Variants in PCDHGA7 observed in about 807,000 individuals in gnomAD.
The protein encoded by PCDHGA7 is protocadherin gamma subfamily A, 7, also known as protocadherin gamma-A7.
In PCDHGA7, 44 loss-of-function variants were observed where a neutral mutation model predicts 58.3. That is an observed-to-expected ratio of 0.75 (90% CI 0.59 to 0.97). The LOEUF (loss-of-function observed/expected upper bound fraction) is 0.97, where lower values mean the gene tolerates loss of function less well. Among genes scored for constraint, PCDHGA7 ranks in the 50% least tolerant of loss-of-function variants. PCDHGA7 has a pLI of 0.00. For missense variants in PCDHGA7, 1,266 were observed against 1,188.7 expected (o/e 1.06, Z -0.96); for synonymous variants, 516 against 504.2 (o/e 1.02, Z -0.31).
intron 1 of PCDHGA7, chr5:141,409,914 G>C: frequency 6.2e-7 from 1 of 1,613,348 alleles, no homozygotes; most frequent in East Asian, 2.2e-5. Context: ...GGTCCTGACG[G>C]CTCCGCGTTC....
chr5:141,415,278 G>A (rs768587119), intron 1 of PCDHGA7: 4 of 1,614,212 alleles, frequency 2.5e-6, no homozygotes, highest in Non-Finnish European at 3.4e-6. Flanking sequence ...TGGTAGCGGT[G>A]GCCGCGGTCT....
chr5:141,463,532 T>C (rs1237301892), intron 1 of PCDHGA7, among the ~76,000 whole-genome samples: 2 of 133,692 alleles, frequency 1.5e-5, no homozygotes, highest in Non-Finnish European at 3.1e-5. Flanking sequence ...TACTAGAAAC[T>C]CCGGCTCCCG....
chr5:141,440,918 A>C (rs2154559108), intron 1 of PCDHGA7: 1 of 152,384 alleles, frequency 6.6e-6, no homozygotes, highest in Admixed American at 6.5e-5. Context: ...TCCTGTGCTG[A>C]GAGTGAGGGC....
At chr5:141,395,207 T>C (rs1589256269) in intron 1 of PCDHGA7, 6 of 1,613,702 alleles carry the variant, frequency 3.7e-6, no homozygotes, top group Non-Finnish European at 5.1e-6. Context: ...TAGATTTTCA[T>C]GAATATAAGA....
chr5:141,393,307 ACTC>A, intron 1 of PCDHGA7: 1 of 1,613,594 alleles, frequency 6.2e-7, no homozygotes, highest in East Asian at 2.2e-5. Flanking sequence ...GTGGGCGTGA[ACTC>A]CCTCCAGAGC....
chr5:141,418,785 T>C, intron 1 of PCDHGA7: 1 of 1,613,862 alleles, frequency 6.2e-7, no homozygotes, highest in African/African-American at 1.3e-5. Flanking sequence ...CCTTTGGATT[T>C]TGAAGAAGTA....
rs2097549501 is a variant in PCDHGA7 at position 141,432,920 on chromosome 5, A to T, written c.2424+47597A>T. ...GGCGCTCAGGCTGCGGCGCTGGCAC[A>T]AGTCACGCCTGCTGCAGGCTTCAGG... On this transcript the variant is annotated intron_variant, in intron 1 of 3. Transcript: ENST00000518325. The surrounding 1 kb of genome is among the most constrained non-coding windows in gnomAD (Gnocchi z 6.0). 1 of 1,614,022 alleles carries T rather than the reference A, an allele frequency of 6.2e-7. No homozygotes were observed.
At chr5:141,419,315 C>T in intron 1 of PCDHGA7, 1 of 1,613,998 alleles carries the variant, frequency 6.2e-7, no homozygotes. Flanking sequence ...GCTCAACGGC[C>T]GTGTCTCCTA....
At chr5:141,441,710 G>A (rs2098266791) in intron 1 of PCDHGA7, 1 of 322,162 alleles carries the variant, frequency 3.1e-6, no homozygotes, top group Non-Finnish European at 6.1e-6. Context: ...TCAAGCTCAC[G>A]CTGCAGGCCC....
Position 141,393,932 on chromosome 5 carries a change from C to A in PCDHGA7, c.2424+8609C>A, listed in dbSNP as rs758815375. 2.7e-5 allele frequency: 44 copies of A among 1,613,798 alleles called. No individual in the cohort carries two copies. Among genetic ancestry groups the A allele is most frequent in the Non-Finnish European group, 3.6e-5 (43 of 1,179,882 alleles). On this transcript the variant is annotated intron_variant, in intron 1 of 3. Coordinates refer to ENST00000518325, the MANE Select transcript of PCDHGA7 (RefSeq NM_018920.4). Reference sequence around the variant, plus strand: ...TAATTGCCTTCTTGAGTGTGCATGACCAAGACTCTGGAAAGAATGGTCAAG... The same window carrying A: ...TAATTGCCTTCTTGAGTGTGCATGAACAAGACTCTGGAAAGAATGGTCAAG...
Position 141,476,140 on chromosome 5 carries a change from C to G in PCDHGA7, c.2425-18667C>G. On this transcript the variant is annotated intron_variant, in intron 1 of 3. Coordinates refer to ENST00000518325, the MANE Select transcript of PCDHGA7 (RefSeq NM_018920.4). This position sits in a 1 kb window ranked among gnomAD's most constrained non-coding sequence, Gnocchi z 7.6. ...AGATGGTCCCAGAGGCCTGGAGGAGCGGACTGGTAAGCACCGGGAGGGTAG... is the reference window on the plus strand; with the variant it reads ...AGATGGTCCCAGAGGCCTGGAGGAGGGGACTGGTAAGCACCGGGAGGGTAG... The G allele has an allele frequency of 2.5e-6, 4 of 1,609,222 alleles. No individual in the cohort carries two copies. Among genetic ancestry groups the G allele is most frequent in the Non-Finnish European group, 1.7e-6 (2 of 1,178,484 alleles).
At chr5:141,435,446 G>C (rs889481920) in intron 1 of PCDHGA7, among the ~76,000 whole-genome samples, 5 of 152,060 alleles carry the variant, frequency 3.3e-5, no homozygotes, top group African/African-American at 2.4e-5. Context: ...TCATTAATAC[G>C]ATATCTGTAT....
chr5:141,495,005 C>A, intron 2 of PCDHGA7, 140 bp downstream of exon 2: 1 of 1,522,810 alleles, frequency 6.6e-7, no homozygotes. Context: ...TCTTGGTGTG[C>A]GGGGGGCTGG....
At chr5:141,430,928 C>A in intron 1 of PCDHGA7, 1 of 1,607,098 alleles carries the variant, frequency 6.2e-7, no homozygotes, top group Non-Finnish European at 8.5e-7. Context: ...GCTGGAGCCC[C>A]GGGAGCTCGC....
intron 3 of PCDHGA7, among the ~76,000 whole-genome samples, chr5:141,506,300 T>G (rs2099852124): frequency 6.6e-6 from 1 of 151,976 alleles, no homozygotes; most frequent in East Asian, 1.9e-4. Flanking sequence ...AATACAAAAA[T>G]TAGCTGGGCA....
rs754557705 is a variant in PCDHGA7, at chr5:141,383,970, T to A, written c.1071T>A (p.Pro357=). Residue 357 remains proline, a synonymous_variant, in exon 1 of 4, where the codon CCT becomes CCA. Coordinates refer to ENST00000518325, the MANE Select transcript of PCDHGA7 (RefSeq NM_018920.4). ...TGACGTCTTTAAGTAGCTCAATCCC[T>A]GAAGACACACCTCTTGGGACAGTCA... is the stretch of plus-strand genomic sequence containing the variant. ...VTMTSLSSSI[P]EDTPLGTVIA... is the part of the protein sequence containing the mutation. 6.2e-7 allele frequency: 1 copy of A among 1,613,730 alleles called. No individual in the cohort carries two copies. Among genetic ancestry groups the A allele is most frequent in the Admixed American group, 1.7e-5 (1 of 60,030 alleles).
chr5:141,414,624 G>A (rs764233527), intron 1 of PCDHGA7: 5 of 1,613,814 alleles, frequency 3.1e-6, no homozygotes, highest in African/African-American at 2.7e-5. Flanking sequence ...CGCTGGACCC[G>A]GACAGCAAAG....
chr5:141,431,921 G>C lies in PCDHGA7; in HGVS notation c.2424+46598G>C, dbSNP rs775520324. ...CGGACAGGTGATCTGTTTCATCCAA[G>C]GAAATCTGCCCTTTAAATTAGAAAA... On this transcript the variant is annotated intron_variant, in intron 1 of 3. Transcript: ENST00000518325. This position sits in a 1 kb window ranked among gnomAD's most constrained non-coding sequence, Gnocchi z 4.8. 8.7e-6 allele frequency: 14 copies of C among 1,614,024 alleles called. No individual in the cohort carries two copies. Among genetic ancestry groups the C allele is most frequent in the Non-Finnish European group, 1.2e-5 (14 of 1,179,998 alleles).
chr5:141,403,438 T>G (rs759998240), intron 1 of PCDHGA7: 12 of 1,614,054 alleles, frequency 7.4e-6, no homozygotes, highest in Non-Finnish European at 8.5e-6. Flanking sequence ...ATCCGGATGT[T>G]GGCGTGAACT....
Sources: allele counts gnomAD v4.1 joint callset (sites outside exome capture counted in the v4.1 genomes callset), GRCh38; gene constraint gnomAD v4.1.1; non-coding constraint Gnocchi (gnomAD v3.1); transcripts MANE v1.5; gene names NCBI Gene and HGNC (gene_info 2026-07-23, HGNC 2026-07-21).